DPY19L1: variants seen among roughly 807,000 people sequenced by gnomAD.
DPY19L1 encodes the protein dpy-19 like C-mannosyltransferase 1.
Under a neutral mutation model 96.9 loss-of-function variants are expected in DPY19L1, and 35 were observed. The ratio of observed to expected loss-of-function variants is 0.36; its 90% CI spans 0.28 to 0.48. The LOEUF is 0.48. Ranked by LOEUF, DPY19L1 falls within the 20% of genes least tolerant of loss-of-function variation. The pLI is 0.99. For missense variants in DPY19L1, 521 were observed against 777.9 expected (o/e 0.67, Z 3.93); for synonymous variants, 205 against 252.6 (o/e 0.81, Z 1.79).
At chr7:34,964,888 A>G (rs1331264819) in intron 10 of DPY19L1, among the ~76,000 whole-genome samples, 1 of 152,186 alleles carries the variant, frequency 6.6e-6, no homozygotes, top group Non-Finnish European at 1.5e-5. Flanking sequence ...ATTTACAACA[A>G]TGGAAACATG....
At chr7:35,024,174 C>T (rs921440797) in intron 1 of DPY19L1, among the ~76,000 whole-genome samples, 4 of 152,130 alleles carry the variant, frequency 2.6e-5, no homozygotes, top group African/African-American at 9.7e-5. Context: ...TACACATTAT[C>T]ATGTTGAGTA....
intron 10 of DPY19L1, among the ~76,000 whole-genome samples, chr7:34,962,966 G>A (rs2128788452): frequency 6.6e-6 from 1 of 151,994 alleles, no homozygotes; most frequent in East Asian, 1.9e-4. Flanking sequence ...AGGCTGAGGT[G>A]GGCAGATCAC....
rs1212186797 is a variant in DPY19L1 at position 34,929,622 on chromosome 7, A to G, written c.*1951T>C. On this transcript the variant is annotated 3_prime_UTR_variant, in exon 22 of 22. Coordinates refer to ENST00000638088, the MANE Select transcript of DPY19L1 (RefSeq NM_001366673.1). ...TTGTAACTGCTGGATGTACACAATC[A>G]GCCACACTCAGGTGAGCAACAATCA... The G allele has an allele frequency of 6.6e-6, 1 of 152,224 alleles. No homozygotes were observed. The highest frequency in any genetic ancestry group is 1.5e-5 in the Non-Finnish European group (1 of 68,042). The allele number at this position is 152,224 out of a possible 1,614,324, so 9.4% of individuals were successfully genotyped here. A position where few individuals can be genotyped will look rare whatever the true frequency, so the allele number is the denominator to read the frequency against.
intron 9 of DPY19L1, among the ~76,000 whole-genome samples, 188 bp from the exon 10 acceptor site, chr7:34,967,159 TTCTC>T (rs776844481): frequency 6.6e-6 from 1 of 152,336 alleles, no homozygotes; most frequent in Non-Finnish European, 1.5e-5. Context: ...TGGTTGATTT[TTCTC>T]TCTGACACAC....
intron 10 of DPY19L1, among the ~76,000 whole-genome samples, chr7:34,961,052 G>A (rs1395331929): frequency 2.6e-5 from 4 of 152,230 alleles, no homozygotes; most frequent in African/African-American, 9.6e-5. Context: ...GTTATTCCAT[G>A]TACAGGAAGA....
chr7:34,971,724 T>A (rs1451356904), intron 8 of DPY19L1, among the ~76,000 whole-genome samples: 2 of 152,104 alleles, frequency 1.3e-5, no homozygotes, highest in Non-Finnish European at 2.9e-5. Flanking sequence ...CATAAAAAGC[T>A]TGTCACAGAA....
chr7:34,935,338 C>T (rs544219508), intron 21 of DPY19L1, among the ~76,000 whole-genome samples: 1 of 152,006 alleles, frequency 6.6e-6, no homozygotes, highest in Non-Finnish European at 1.5e-5. Flanking sequence ...CAGCCATCTG[C>T]AAATAGCATT....
At chr7:35,017,672 G>A (rs12534922) in intron 3 of DPY19L1, among the ~76,000 whole-genome samples, 29,417 of 149,588 alleles carry the variant, frequency 0.2, 3,226 homozygotes, top group Admixed American at 0.35. Context: ...ACTCCGTCTC[G>A]AAAAAAAAAT....
At chr7:35,026,919 A>G (rs73110554) in intron 1 of DPY19L1, among the ~76,000 whole-genome samples, 41,418 of 152,126 alleles carry the variant, frequency 0.27, 5,777 homozygotes, top group Non-Finnish European at 0.31. Context: ...GGGGTTGGCC[A>G]GGCATGGTGG....
chr7:35,023,567 A>G (rs1206650861), intron 1 of DPY19L1, among the ~76,000 whole-genome samples: 2 of 152,274 alleles, frequency 1.3e-5, no homozygotes, highest in East Asian at 3.9e-4. Flanking sequence ...AAAATTCATA[A>G]AGCACCTTCA....
chr7:34,964,859 G>A (rs926238928), intron 10 of DPY19L1, among the ~76,000 whole-genome samples: 3 of 152,054 alleles, frequency 2.0e-5, no homozygotes, highest in Non-Finnish European at 2.9e-5. Flanking sequence ...AGACAAACTG[G>A]TAAAAGATCT....
chr7:35,026,808 C>A (rs1474845899), intron 1 of DPY19L1, among the ~76,000 whole-genome samples: 1 of 152,086 alleles, frequency 6.6e-6, no homozygotes, highest in South Asian at 2.1e-4. Flanking sequence ...TTACTTCCCT[C>A]GTAAGAAAGT....
chr7:34,955,782 T>C (rs1784366268), intron 11 of DPY19L1, among the ~76,000 whole-genome samples: 1 of 152,182 alleles, frequency 6.6e-6, no homozygotes, highest in Non-Finnish European at 1.5e-5. Context: ...TAAATACTTC[T>C]CTGAAGTATT....
At chr7:34,942,727 T>G (rs1485123686) in intron 16 of DPY19L1, 88 bp from the exon 17 acceptor site, 2 of 1,098,168 alleles carry the variant, frequency 1.8e-6, no homozygotes, top group African/African-American at 3.2e-5. Context: ...AACAGGAGTT[T>G]TACAACTTCT....
At chr7:35,028,978 T>C (rs1306492560) in intron 1 of DPY19L1, among the ~76,000 whole-genome samples, 1 of 152,206 alleles carries the variant, frequency 6.6e-6, no homozygotes, top group Non-Finnish European at 1.5e-5. Flanking sequence ...CAGAGGTCAC[T>C]TTCATCGCCA....
intron 21 of DPY19L1, among the ~76,000 whole-genome samples, chr7:34,936,375 C>T (rs1183136789): frequency 2.0e-5 from 3 of 152,078 alleles, no homozygotes; most frequent in Admixed American, 6.6e-5. Flanking sequence ...GGGGTCTAGG[C>T]AGAATATGAA....
At chr7:35,029,960 T>C (rs1313692356) in intron 1 of DPY19L1, among the ~76,000 whole-genome samples, 3 of 152,246 alleles carry the variant, frequency 2.0e-5, no homozygotes, top group African/African-American at 7.2e-5. Flanking sequence ...GCCATTCACC[T>C]GGCCCTATTT....
At chr7:35,004,068 C>T (rs1469009021) in intron 6 of DPY19L1, among the ~76,000 whole-genome samples, 1 of 152,192 alleles carries the variant, frequency 6.6e-6, no homozygotes, top group Non-Finnish European at 1.5e-5. Flanking sequence ...ACTACAGGAG[C>T]CTTTTGTTCC....
In DPY19L1 at chr7:34,931,550, G is replaced by A. The variant is rs371914783; in HGVS notation, c.*23C>T. ...AAAACCATTACAGATGTAGTTCTCCGTAGGCAGCAGGTCATGTAGCAGTCA... is the reference window on the plus strand; with the variant it reads ...AAAACCATTACAGATGTAGTTCTCCATAGGCAGCAGGTCATGTAGCAGTCA... On this transcript the variant is annotated 3_prime_UTR_variant, in exon 22 of 22. Coordinates refer to ENST00000638088, the MANE Select transcript of DPY19L1 (RefSeq NM_001366673.1). 106 of 1,509,046 alleles carry A rather than the reference G, an allele frequency of 7.0e-5. No homozygotes were observed. The highest frequency in any genetic ancestry group is 1.4e-4 in the African/African-American group (10 of 71,346). 93.5% of individuals were successfully genotyped at this position (1,509,046 alleles called of 1,614,324 possible). A position where few individuals can be genotyped will look rare whatever the true frequency, so the allele number is the denominator to read the frequency against.
Sources: gnomAD v4.1 joint callset for allele counts (sites outside exome capture counted in the v4.1 genomes callset) on GRCh38, gnomAD v4.1.1 for gene constraint, MANE v1.5 for transcripts, NCBI Gene and HGNC (gene_info 2026-07-23, HGNC 2026-07-21) for gene names.